The following TMEM135 variants were observed in gnomAD, a reference collection of about 807,000 sequenced individuals.
The protein encoded by TMEM135 is transmembrane protein 135, also known as peroxisomal membrane protein 52.
Under a neutral mutation model 60.3 loss-of-function variants are expected in TMEM135, and 30 were observed. The observed-to-expected ratio is 0.50, with a 90% CI of 0.37 to 0.68. The LOEUF (loss-of-function observed/expected upper bound fraction) is 0.68, where lower values mean the gene tolerates loss of function less well. TMEM135 is among the 30% of genes least tolerant of loss of function. TMEM135 has a pLI of 0.00. For missense variants in TMEM135, 468 were observed against 548.8 expected (o/e 0.85, Z 1.47); for synonymous variants, 190 against 186.7 (o/e 1.02, Z -0.14).
chr11:87,049,500 G>A (rs1360595196), intron 1 of TMEM135, among the ~76,000 whole-genome samples: 1 of 123,302 alleles, frequency 8.1e-6, no homozygotes, highest in Non-Finnish European at 1.7e-5. Flanking sequence ...AACAAAAAAA[G>A]GCAGGGGTTG....
At chr11:87,201,628 G>C (rs1940095590) in intron 5 of TMEM135, among the ~76,000 whole-genome samples, 1 of 152,182 alleles carries the variant, frequency 6.6e-6, no homozygotes, top group East Asian at 1.9e-4. Context: ...TATGATGGCA[G>C]TTAATGTTAG....
Position 87,038,011 on chromosome 11 carries a change from C to T in TMEM135, c.-35C>T, listed in dbSNP as rs371634340. The T allele has an allele frequency of 3.1e-6, 5 of 1,612,728 alleles. No homozygotes were observed. The African/African-American group carries it at 4.0e-5, about 13-fold the overall frequency. On this transcript the variant is annotated 5_prime_UTR_variant, in exon 1 of 15. Transcript: ENST00000305494. The stretch of plus-strand genomic sequence containing the variant: ...CGCCCCTCCCTGCAGGGCTCAGGCT[C>T]TCCCCCTCCTGTCTTCTCCGCGCTG...
At chr11:87,191,728 T>C (rs1378065817) in intron 5 of TMEM135, among the ~76,000 whole-genome samples, 3 of 152,156 alleles carry the variant, frequency 2.0e-5, no homozygotes, top group Non-Finnish European at 4.4e-5. Flanking sequence ...GTGTTGACAA[T>C]TGATATGTGT....
intron 4 of TMEM135, chr11:87,095,237 CA>C (rs11325734): frequency 0.56 from 100,805 of 180,862 alleles, 28,934 homozygotes; most frequent in East Asian, 0.72. Context: ...TATCAGAACT[CA>C]ACAATGTCAG....
intron 5 of TMEM135, among the ~76,000 whole-genome samples, chr11:87,235,483 A>G (rs1940976559): frequency 1.3e-5 from 2 of 152,116 alleles, no homozygotes; most frequent in African/African-American, 4.8e-5. Flanking sequence ...AAGACAGCAA[A>G]CTTGTCAAGC....
chr11:87,230,768 T>C (rs1356628182), intron 5 of TMEM135, among the ~76,000 whole-genome samples: 1 of 152,108 alleles, frequency 6.6e-6, no homozygotes, highest in African/African-American at 2.4e-5. Context: ...CTGTCCTGTC[T>C]GTTATGGTAT....
chr11:87,223,534 G>A (rs1940693769), intron 5 of TMEM135, among the ~76,000 whole-genome samples: 1 of 152,004 alleles, frequency 6.6e-6, no homozygotes, highest in African/African-American at 2.4e-5. Flanking sequence ...TGCGCTTTAA[G>A]TCTTCATTTA....
At chr11:87,197,560 T>C (rs998574528) in intron 5 of TMEM135, among the ~76,000 whole-genome samples, 4 of 152,006 alleles carry the variant, frequency 2.6e-5, no homozygotes, top group Non-Finnish European at 5.9e-5. Flanking sequence ...GATAGATTTC[T>C]TTATGATGGG....
chr11:87,227,010 G>A (rs1485904196), intron 5 of TMEM135, among the ~76,000 whole-genome samples: 1 of 152,014 alleles, frequency 6.6e-6, no homozygotes, highest in Non-Finnish European at 1.5e-5. Flanking sequence ...GATTGCCCCA[G>A]TGTACTCCAG....
intron 4 of TMEM135, among the ~76,000 whole-genome samples, chr11:87,123,204 C>A (rs553740296): frequency 6.6e-6 from 1 of 152,310 alleles, no homozygotes; most frequent in South Asian, 2.1e-4. Flanking sequence ...CTTTCGGCAA[C>A]AGAAATTTAT....
chr11:87,086,228 G>A (rs556715929), intron 3 of TMEM135, among the ~76,000 whole-genome samples: 1 of 152,104 alleles, frequency 6.6e-6, no homozygotes, highest in South Asian at 2.1e-4. Context: ...TTAGTGCCTC[G>A]TATGCCTTAG....
At chr11:87,131,277 A>G (rs1937920614) in intron 4 of TMEM135, among the ~76,000 whole-genome samples, 1 of 152,128 alleles carries the variant, frequency 6.6e-6, no homozygotes, top group South Asian at 2.1e-4. Context: ...ATGGGTTTGG[A>G]CAAATACATA....
In TMEM135 at chr11:87,323,259, G is replaced by T; in HGVS notation, c.*1926G>T. 2.2e-6 allele frequency: 1 copy of T among 453,480 alleles called. No homozygotes were observed. The highest frequency in any genetic ancestry group is 4.4e-6 in the Non-Finnish European group (1 of 226,510). The allele number at this position is 453,480 out of a possible 1,614,324, so 28.1% of individuals were successfully genotyped here. A position where few individuals can be genotyped will look rare whatever the true frequency, so the allele number is the denominator to read the frequency against. ...TTGCAGTCATTTTTTTAAATTTTAT[G>T]TAAAATGTAAAATGAAATAGCTATC... On this transcript the variant is annotated 3_prime_UTR_variant, in exon 15 of 15. Transcript: ENST00000305494.
chr11:87,326,299 A>AAGTAGACC lies in TMEM135; in HGVS notation c.*4967_*4974dup. The AAGTAGACC allele has an allele frequency of 2.2e-6, 1 of 453,970 alleles. No individual in the cohort carries two copies. Among genetic ancestry groups the AAGTAGACC allele is most frequent in the Non-Finnish European group, 4.4e-6 (1 of 226,756 alleles). 28.1% of individuals were successfully genotyped at this position (453,970 alleles called of 1,614,324 possible). The stretch of plus-strand genomic sequence containing the variant: ...GTCTTGAGAGATTCAGGCTTCCATA[A>AAGTAGACC]AGTAGACCTGTAGACCTATGTTGGC... On this transcript the variant is annotated 3_prime_UTR_variant, in exon 15 of 15. Transcript: ENST00000305494.
intron 5 of TMEM135, among the ~76,000 whole-genome samples, chr11:87,185,108 A>G (rs1052548345): frequency 2.6e-5 from 4 of 152,164 alleles, no homozygotes; most frequent in Non-Finnish European, 5.9e-5. Context: ...TTCAGACATC[A>G]TATCACTCTA....
chr11:87,055,054 TTAAA>T (rs1485449478), intron 1 of TMEM135, among the ~76,000 whole-genome samples: 1 of 152,120 alleles, frequency 6.6e-6, no homozygotes, highest in Non-Finnish European at 1.5e-5. Flanking sequence ...AAGGTAAACT[TTAAA>T]TAAATACGAA....
intron 6 of TMEM135, among the ~76,000 whole-genome samples, chr11:87,242,386 C>G (rs1268040384): frequency 1.4e-5 from 2 of 145,964 alleles, no homozygotes; most frequent in African/African-American, 5.1e-5. Flanking sequence ...ATGGCTGGGT[C>G]AAATGGTATT....
At chr11:87,174,800 A>G (rs931718141) in intron 5 of TMEM135, among the ~76,000 whole-genome samples, 2 of 152,080 alleles carry the variant, frequency 1.3e-5, no homozygotes, top group African/African-American at 4.8e-5. Flanking sequence ...GAGGGGAAAA[A>G]TAGTTTTGTT....
chr11:87,158,332 C>T (rs525139), intron 5 of TMEM135, among the ~76,000 whole-genome samples: 81,495 of 151,972 alleles, frequency 0.54, 22,883 homozygotes, highest in East Asian at 0.73. Flanking sequence ...AGGAGTTAAA[C>T]AGAATTGTAT....
Sources: allele counts gnomAD v4.1 joint callset (sites outside exome capture counted in the v4.1 genomes callset), GRCh38; gene constraint gnomAD v4.1.1; transcripts MANE v1.5; gene names NCBI Gene and HGNC (gene_info 2026-07-23, HGNC 2026-07-21).